The following WDR62 variants were observed in gnomAD, a reference collection of about 807,000 sequenced individuals.
The protein encoded by WDR62 is WD repeat domain 62, also known as WD repeat-containing protein 62.
Under a neutral mutation model 160.6 loss-of-function variants are expected in WDR62, and 112 were observed. The ratio of observed to expected loss-of-function variants is 0.70; its 90% CI spans 0.60 to 0.82. The LOEUF (loss-of-function observed/expected upper bound fraction) is 0.82, where lower values mean the gene tolerates loss of function less well. Ranked by LOEUF, WDR62 falls within the 40% of genes least tolerant of loss-of-function variation. The pLI is 0.00. For missense variants in WDR62, 1,819 were observed against 1,983.8 expected (o/e 0.92, Z 1.58); for synonymous variants, 792 against 815.1 (o/e 0.97, Z 0.48).
chr19:36,100,630 C>T, intron 22 of WDR62, 118 bp from the exon 23 acceptor site: 2 of 1,478,146 alleles, frequency 1.4e-6, no homozygotes, highest in Non-Finnish European at 1.9e-6. Context: ...GAGTGGAGGG[C>T]ATGGCACAGG....
intron 9 of WDR62, chr19:36,073,918 C>T (rs1350671515): frequency 1.1e-5 from 4 of 362,684 alleles, no homozygotes; most frequent in Non-Finnish European, 2.2e-5. Context: ...GGGAGAACCA[C>T]AAGCACAGAG....
downstream of WDR62, among the ~76,000 whole-genome samples, chr19:36,106,585 G>C (rs150805347): frequency 6.8e-4 from 103 of 152,280 alleles, no homozygotes; most frequent in African/African-American, 2.3e-3. Context: ...GCTGAAGCTT[G>C]ATAGAGGACA....
At position 36,103,886 on chromosome 19, in the gene WDR62, C is replaced by G; in HGVS notation, c.4058C>G (p.Ser1353Cys). The G allele has an allele frequency of 6.2e-7, 1 of 1,600,582 alleles. No individual in the cohort carries two copies. Among genetic ancestry groups the G allele is most frequent in the Non-Finnish European group, 8.5e-7 (1 of 1,179,902 alleles). The change falls in exon 30 of 32, where the codon TCC (serine) becomes TGC (cysteine). Residue 1353 changes from serine (S) to cysteine (C), a missense_variant. By Grantham distance (112) the Ser-to-Cys change is moderately radical (BLOSUM62 -1). Coordinates refer to ENST00000401500, the MANE Select transcript of WDR62 (RefSeq NM_001083961.2). Reference protein sequence around the residue: ...AFRPSLPAPESPGLPAHPSNP... With the variant: ...AFRPSLPAPECPGLPAHPSNP... ...CGCCCAAGTCTCCCAGCTCCTGAGT[C>G]CCCTGGCCTTCCTGCCCACCCCAGT... is the stretch of plus-strand genomic sequence containing the variant.
Position 36,102,062 on chromosome 19 carries a change from G to T in WDR62, c.3131G>T (p.Ser1044Ile). The change falls in exon 26 of 32, where the codon AGC (serine) becomes ATC (isoleucine). Residue 1044 changes from serine (S) to isoleucine (I), a missense_variant. Transcript: ENST00000401500. Reference protein sequence around the residue: ...EDELSLPEGPSVPSSSLPQTP... With the variant: ...EDELSLPEGPIVPSSSLPQTP... Reference sequence around the variant, plus strand: ...GAGCTGTCCCTGCCCGAGGGACCCAGCGTCCCCAGCAGCTCCCTACCCCAG... The same window carrying T: ...GAGCTGTCCCTGCCCGAGGGACCCATCGTCCCCAGCAGCTCCCTACCCCAG... The T allele has an allele frequency of 3.1e-6, 5 of 1,614,176 alleles. No homozygotes were observed. Among genetic ancestry groups the T allele is most frequent in the Non-Finnish European group, 4.2e-6 (5 of 1,180,046 alleles).
At chr19:36,102,445 A>G in intron 26 of WDR62, 2 of 580,386 alleles carry the variant, frequency 3.4e-6, no homozygotes, top group South Asian at 2.0e-5. Context: ...TATTTTTAGT[A>G]GAGATGAGGT....
At chr19:36,106,789 A>C (rs1448969852), downstream of WDR62, among the ~76,000 whole-genome samples, 2 of 152,176 alleles carry the variant, frequency 1.3e-5, no homozygotes, top group Non-Finnish European at 2.9e-5. Flanking sequence ...GAATATCCAG[A>C]ACAGTTTTTT....
chr19:36,088,595 G>A (rs140121587), intron 13 of WDR62, among the ~76,000 whole-genome samples: 2 of 152,336 alleles, frequency 1.3e-5, no homozygotes, highest in East Asian at 3.9e-4. Flanking sequence ...CCAGTGGGAT[G>A]GGTGGTGAGC....
intron 9 of WDR62, among the ~76,000 whole-genome samples, chr19:36,074,522 C>T (rs890568114): frequency 1.3e-5 from 2 of 152,028 alleles, no homozygotes; most frequent in South Asian, 2.1e-4. Context: ...ATTAGCCAGG[C>T]GCGCCTATAG....
chr19:36,099,589 C>T lies in WDR62; in HGVS notation c.2711C>T (p.Pro904Leu), dbSNP rs1254308891. 1.2e-6 allele frequency: 2 copies of T among 1,614,222 alleles called. No individual in the cohort carries two copies. The highest frequency in any genetic ancestry group is 1.1e-5 in the South Asian group (1 of 91,092). ...AACTCCATTCTGGATTCACTGGAGCCACAGAGCCTGGCCAGCCTGCTGAGT... is the reference window on the plus strand; with the variant it reads ...AACTCCATTCTGGATTCACTGGAGCTACAGAGCCTGGCCAGCCTGCTGAGT... ...LENSILDSLE[P>L]QSLASLLSES... is the part of the protein sequence containing the mutation. The change falls in exon 22 of 32, where the codon CCA becomes CTA. Residue 904 changes from proline (P) to leucine (L), a missense_variant. Around this residue, in one of 3 missense-constraint regions of WDR62, gnomAD observed 934 missense variants for 1,157.2 expected, o/e 0.81. Transcript: ENST00000401500.
In WDR62 at chr19:36,091,218, G is replaced by A; in HGVS notation, c.2053G>A (p.Gly685Ser). The stretch of plus-strand genomic sequence containing the variant: ...CTGGCAGGTCCATGTGGACCCCTCA[G>A]GCACCTTCCTGGCCACCAGCTGCTC... The part of the protein sequence containing the change: ...SLLKVHVDPS[G>S]TFLATSCSDK... Residue 685 changes from glycine (G) to serine (S), a missense_variant, in exon 17 of 32, where the codon GGC becomes AGC. This residue lies in a region of WDR62 where 934 missense variants were observed against 1,157.2 expected (regional missense o/e 0.81). Transcript: ENST00000401500. 2 of 1,612,760 alleles carry A rather than the reference G, an allele frequency of 1.2e-6. No individual in the cohort carries two copies. Among genetic ancestry groups the A allele is most frequent in the Non-Finnish European group, 1.7e-6 (2 of 1,180,032 alleles).
intron 13 of WDR62, among the ~76,000 whole-genome samples, chr19:36,088,646 G>T (rs1972400218): frequency 1.3e-5 from 2 of 152,222 alleles, no homozygotes; most frequent in Non-Finnish European, 2.9e-5. Flanking sequence ...CTGGCCCAAG[G>T]CTCATGTGGA....
chr19:36,059,469 G>T (rs1970532967), intron 2 of WDR62, among the ~76,000 whole-genome samples: 1 of 152,048 alleles, frequency 6.6e-6, no homozygotes, highest in East Asian at 1.9e-4. Flanking sequence ...GACAGAGTCT[G>T]GCTGTGTTGC....
chr19:36,062,336 A>G (rs1192296981), intron 3 of WDR62: 1 of 152,180 alleles, frequency 6.6e-6, no homozygotes, highest in Non-Finnish European at 1.5e-5. Context: ...AGTTGTAGAC[A>G]TGATGCCCCT....
rs112098438 is a variant in WDR62 at position 36,066,137 on chromosome 19, T to C, written c.391-120T>C. ...TCCTTCCTGGGCCAGAACAGCCCTG[T>C]AGCAGATGGGGGAGGTGGCTTTTGG... On this transcript the variant is annotated intron_variant, in intron 4 of 31. Transcript: ENST00000401500. 21 of 1,577,950 alleles carry C rather than the reference T, an allele frequency of 1.3e-5. 1 individual carries two copies. The African/African-American group carries it at 1.3e-4, about 10-fold the overall frequency.
intron 9 of WDR62, among the ~76,000 whole-genome samples, chr19:36,074,458 G>A (rs1011348364): frequency 2.0e-5 from 3 of 152,074 alleles, no homozygotes; most frequent in Non-Finnish European, 4.4e-5. Flanking sequence ...CCAGGGGTTC[G>A]AGATCAGCCT....
intron 20 of WDR62, among the ~76,000 whole-genome samples, chr19:36,096,637 G>A (rs373272858): frequency 1.3e-5 from 2 of 151,970 alleles, no homozygotes; most frequent in East Asian, 1.9e-4. Context: ...CATGAACCCG[G>A]GAGGTGGAGG....
chr19:36,057,114 C>G (rs1353230557), intron 1 of WDR62, among the ~76,000 whole-genome samples: 3 of 152,140 alleles, frequency 2.0e-5, no homozygotes, highest in African/African-American at 7.2e-5. Context: ...TGTGCCCCGC[C>G]AAGTTATGAA....
intron 9 of WDR62, among the ~76,000 whole-genome samples, chr19:36,078,847 AAAAC>A (rs1474052233): frequency 5.3e-5 from 8 of 151,408 alleles, no homozygotes. Flanking sequence ...AAAAAAAAAA[AAAAC>A]AAAGTAAGTT....
intron 23 of WDR62, 70 bp downstream of exon 23, chr19:36,100,945 A>G: frequency 6.2e-7 from 1 of 1,610,056 alleles, no homozygotes; most frequent in Non-Finnish European, 8.5e-7. Context: ...TCCTGGAAGA[A>G]GTGCTCTCTG....
Sources: gnomAD v4.1 joint callset for allele counts (sites outside exome capture counted in the v4.1 genomes callset) on GRCh38, gnomAD v4.1.1 for gene constraint, gnomAD v4.1.1 regional missense constraint, MANE v1.5 for transcripts, NCBI Gene and HGNC (gene_info 2026-07-23, HGNC 2026-07-21) for gene names.